The following LOC128462377 variants were observed in gnomAD, a reference collection of about 807,000 sequenced individuals.
chr16:89,402,639 G>A, the LOC128462377 span, among the ~76,000 whole-genome samples: 1 of 150,820 alleles, frequency 6.6e-6, no homozygotes, highest in Non-Finnish European at 1.5e-5. Flanking sequence ...CTGTGGGTGG[G>A]GGGGGCAGCA....
the LOC128462377 span, among the ~76,000 whole-genome samples, chr16:89,414,609 T>G: frequency 6.6e-6 from 1 of 152,224 alleles, no homozygotes; most frequent in East Asian, 1.9e-4. Flanking sequence ...GATACGACCG[T>G]GACCACTGTC....
At chr16:89,367,196 T>C in the LOC128462377 span, among the ~76,000 whole-genome samples, 1 of 152,204 alleles carries the variant, frequency 6.6e-6, no homozygotes, top group African/African-American at 2.4e-5. Context: ...TCCCCCTTCG[T>C]GTTTCCCATC....
the LOC128462377 span, among the ~76,000 whole-genome samples, chr16:89,393,578 G>A: frequency 3.6e-4 from 54 of 150,898 alleles, no homozygotes; most frequent in African/African-American, 1.3e-3. Context: ...CGACCTCAGA[G>A]TGATTTGCCC....
At chr16:89,376,646 C>T in the LOC128462377 span, among the ~76,000 whole-genome samples, 27 of 152,262 alleles carry the variant, frequency 1.8e-4, no homozygotes, top group South Asian at 5.6e-3. Flanking sequence ...ACCATGTTGG[C>T]CAGGCTGGTC....
chr16:89,391,404 T>C, the LOC128462377 span, among the ~76,000 whole-genome samples: 1 of 152,046 alleles, frequency 6.6e-6, no homozygotes, highest in Non-Finnish European at 1.5e-5. Context: ...CGTCTCCAGG[T>C]AGACAGTGTC....
chr16:89,401,803 G>A, the LOC128462377 span, among the ~76,000 whole-genome samples: 1 of 152,302 alleles, frequency 6.6e-6, no homozygotes, highest in East Asian at 1.9e-4. Context: ...AACGCTGGGT[G>A]AAGAGGGAGG....
the LOC128462377 span, among the ~76,000 whole-genome samples, chr16:89,379,775 C>T: frequency 2.6e-5 from 4 of 152,082 alleles, no homozygotes; most frequent in African/African-American, 4.8e-5. Flanking sequence ...CTGAGTACAA[C>T]GGGCAAAGAA....
At chr16:89,387,069 C>A in the LOC128462377 span, among the ~76,000 whole-genome samples, 23 of 152,110 alleles carry the variant, frequency 1.5e-4, no homozygotes, top group Non-Finnish European at 3.1e-4. Flanking sequence ...GGTGCAGGAG[C>A]CACAGAAGGC....
the LOC128462377 span, among the ~76,000 whole-genome samples, chr16:89,347,467 C>T: frequency 6.6e-6 from 1 of 151,962 alleles, no homozygotes; most frequent in African/African-American, 2.4e-5. Flanking sequence ...AAAAATTAGC[C>T]GGGCGTGGTG....
At chr16:89,405,790 C>T in the LOC128462377 span, among the ~76,000 whole-genome samples, 2 of 152,146 alleles carry the variant, frequency 1.3e-5, no homozygotes, top group African/African-American at 4.8e-5. Context: ...ATTCCTCACA[C>T]CTTCCCCCAG....
At chr16:89,348,570 G>A in the LOC128462377 span, among the ~76,000 whole-genome samples, 7 of 152,122 alleles carry the variant, frequency 4.6e-5, no homozygotes, top group Non-Finnish European at 8.8e-5. Context: ...TCAGTCATCC[G>A]GGACTGAAGG....
the LOC128462377 span, among the ~76,000 whole-genome samples, chr16:89,417,687 G>C: frequency 2.6e-5 from 4 of 152,108 alleles, no homozygotes; most frequent in African/African-American, 9.7e-5. Flanking sequence ...CAGAAGCACA[G>C]GACAGCCCGG....
At chr16:89,383,188 G>A in the LOC128462377 span, among the ~76,000 whole-genome samples, 2 of 152,204 alleles carry the variant, frequency 1.3e-5, no homozygotes, top group Non-Finnish European at 2.9e-5. Context: ...GGAGCGGTGC[G>A]AGGTCACCTC....
the LOC128462377 span, among the ~76,000 whole-genome samples, chr16:89,363,585 C>A: frequency 6.6e-6 from 1 of 152,194 alleles, no homozygotes; most frequent in East Asian, 1.9e-4. Context: ...GGAGAAACCA[C>A]CAAAACTTTC....
chr16:89,416,195 A>G, the LOC128462377 span, among the ~76,000 whole-genome samples: 1 of 152,162 alleles, frequency 6.6e-6, no homozygotes, highest in Non-Finnish European at 1.5e-5. Context: ...TATTGTTCTC[A>G]ATCCACTAGA....
At chr16:89,324,345 C>A in the LOC128462377 span, 2 of 1,129,168 alleles carry the variant, frequency 1.8e-6, no homozygotes, top group Non-Finnish European at 2.4e-6. Context: ...GGGTGCCTCA[C>A]AGAAGAGGGA....
At chr16:89,372,668 G>A in the LOC128462377 span, among the ~76,000 whole-genome samples, 1 of 152,132 alleles carries the variant, frequency 6.6e-6, no homozygotes, top group South Asian at 2.1e-4. Context: ...ACATGAACAA[G>A]TGCAAGGAGG....
At chr16:89,365,749 G>A in the LOC128462377 span, among the ~76,000 whole-genome samples, 3 of 152,068 alleles carry the variant, frequency 2.0e-5, no homozygotes, top group African/African-American at 7.2e-5. Context: ...CGGGTTGCAG[G>A]TTTGTTACGT....
At chr16:89,344,966 AG>A in the LOC128462377 span, among the ~76,000 whole-genome samples, 1 of 152,218 alleles carries the variant, frequency 6.6e-6, no homozygotes, top group Non-Finnish European at 1.5e-5. Flanking sequence ...TGAAAATCTC[AG>A]GAAAAAGCAC....
Sources: gnomAD v4.1 joint callset for allele counts (sites outside exome capture counted in the v4.1 genomes callset) on GRCh38, gnomAD v4.1.1 for gene constraint, MANE v1.5 for transcripts.